KLHL29: variants seen among roughly 807,000 people sequenced by gnomAD.
KLHL29 encodes the protein kelch like family member 29, also known as kelch-like protein 29.
In KLHL29, 21 loss-of-function variants were observed where a neutral mutation model predicts 80.4. That is an observed-to-expected ratio of 0.26 (90% CI 0.19 to 0.38). The LOEUF is 0.38. Ranked by LOEUF, KLHL29 falls within the 10% of genes least tolerant of loss-of-function variation. The probability of loss-of-function intolerance (pLI) is 1.00; values close to 1 mark genes in which losing one functional copy is unlikely to be tolerated. For synonymous variants in KLHL29, 511 were observed against 526.8 expected, an observed-to-expected ratio of 0.97 and a Z score of 0.41; for missense variants, 867 against 1,223.9, an observed-to-expected ratio of 0.71 and a Z score of 4.35.
intron 1 of KLHL29, among the ~76,000 whole-genome samples, chr2:23,438,520 AG>A (rs1355074474): frequency 4.1e-5 from 6 of 145,898 alleles, no homozygotes; most frequent in East Asian, 2.0e-4. Context: ...TTTAGCATGA[AG>A]GGTTGTTGAA....
chr2:23,649,668 A>G (rs1425529107), intron 5 of KLHL29, among the ~76,000 whole-genome samples: 1 of 152,246 alleles, frequency 6.6e-6, no homozygotes, highest in African/African-American at 2.4e-5. Context: ...CTTCAAGGTC[A>G]GAAGCCCTGC....
chr2:23,549,431 C>G (rs1055010501), intron 2 of KLHL29, among the ~76,000 whole-genome samples: 6 of 151,920 alleles, frequency 3.9e-5, no homozygotes, highest in Non-Finnish European at 7.4e-5. Context: ...CACACAACCT[C>G]GCAACAGGCT....
chr2:23,452,394 A>G lies in KLHL29; in HGVS notation c.-153-23166A>G, dbSNP rs537251360. Among the ~76,000 whole-genome samples, 17 of 152,096 alleles carry G rather than the reference A, an allele frequency of 1.1e-4. No individual in the cohort carries two copies. In the South Asian group the frequency reaches 2.7e-3, roughly 24 times the overall value. On this transcript the variant is annotated intron_variant, in intron 1 of 13. Transcript: ENST00000486442. Reference sequence around the variant, plus strand: ...AAGGGGATGGTGCCGAGCCATTCACAAGGGATCCTCCAGGGTCCAATGCCT... The same window carrying G: ...AAGGGGATGGTGCCGAGCCATTCACGAGGGATCCTCCAGGGTCCAATGCCT...
intron 3 of KLHL29, among the ~76,000 whole-genome samples, chr2:23,567,568 T>C (rs974766733): frequency 1.3e-5 from 2 of 152,206 alleles, no homozygotes; most frequent in Non-Finnish European, 2.9e-5. Flanking sequence ...ATCTTCCCCA[T>C]GCGCTCCAGC....
chr2:23,559,704 G>A (rs2103495224), intron 2 of KLHL29, among the ~76,000 whole-genome samples: 1 of 152,214 alleles, frequency 6.6e-6, no homozygotes, highest in African/African-American at 2.4e-5. Context: ...ACAGCTGGGG[G>A]AAGGTGTGCG....
chr2:23,533,639 T>G (rs559583561), intron 2 of KLHL29, among the ~76,000 whole-genome samples: 1 of 152,288 alleles, frequency 6.6e-6, no homozygotes, highest in African/African-American at 2.4e-5. Context: ...GTGCGGCGTT[T>G]GGGCTGGGTG....
intron 3 of KLHL29, among the ~76,000 whole-genome samples, chr2:23,584,647 AG>A (rs71400593): frequency 3.9e-5 from 6 of 152,184 alleles, no homozygotes; most frequent in Non-Finnish European, 5.9e-5. Flanking sequence ...GCTGGGGCGG[AG>A]GGGGGCGGTG....
intron 3 of KLHL29, among the ~76,000 whole-genome samples, chr2:23,564,062 G>A (rs1185922736): frequency 2.0e-5 from 3 of 152,262 alleles, no homozygotes; most frequent in Non-Finnish European, 2.9e-5. Flanking sequence ...AATGGCAGCC[G>A]CTGGAACCGA....
intron 1 of KLHL29, among the ~76,000 whole-genome samples, chr2:23,420,087 C>G (rs748217817): frequency 6.6e-6 from 1 of 152,160 alleles, no homozygotes; most frequent in South Asian, 2.1e-4. Flanking sequence ...CACGGGGGGT[C>G]CTACGTCAGC....
At chr2:23,526,729 C>T (rs1024196981) in intron 2 of KLHL29, among the ~76,000 whole-genome samples, 6 of 152,150 alleles carry the variant, frequency 3.9e-5, no homozygotes, top group Admixed American at 1.3e-4. Flanking sequence ...GGGTTGGCTC[C>T]GTGGCTCCCA....
intron 2 of KLHL29, among the ~76,000 whole-genome samples, chr2:23,502,327 G>T (rs113086073): frequency 6.6e-6 from 1 of 152,240 alleles, no homozygotes; most frequent in Non-Finnish European, 1.5e-5. Context: ...AATCAGCATC[G>T]AACATATTTC....
chr2:23,522,450 T>TC (rs1666134159), intron 2 of KLHL29, among the ~76,000 whole-genome samples: 2 of 152,096 alleles, frequency 1.3e-5, no homozygotes, highest in Non-Finnish European at 2.9e-5. Flanking sequence ...ACACCCAGCC[T>TC]CTAAGGCCCT....
At chr2:23,691,449 C>A in intron 6 of KLHL29, 1 of 589,806 alleles carries the variant, frequency 1.7e-6, no homozygotes, top group South Asian at 2.0e-5. Context: ...CATGGACATG[C>A]CGAGTAGTGA....
At chr2:23,570,933 A>C (rs1224227541) in intron 3 of KLHL29, among the ~76,000 whole-genome samples, 1 of 152,234 alleles carries the variant, frequency 6.6e-6, no homozygotes, top group Non-Finnish European at 1.5e-5. Flanking sequence ...CTGTGAGATC[A>C]GGGCCGCCCA....
At chr2:23,522,745 C>T (rs1666143765) in intron 2 of KLHL29, among the ~76,000 whole-genome samples, 1 of 152,090 alleles carries the variant, frequency 6.6e-6, no homozygotes, top group African/African-American at 2.4e-5. Flanking sequence ...TGAGTCTGGA[C>T]CCCCGAGCTT....
chr2:23,698,730 T>C (rs918565816), intron 11 of KLHL29, among the ~76,000 whole-genome samples: 2 of 152,198 alleles, frequency 1.3e-5, no homozygotes, highest in Non-Finnish European at 2.9e-5. Flanking sequence ...GGATAAATGA[T>C]AGCAGAACGC....
intron 3 of KLHL29, among the ~76,000 whole-genome samples, chr2:23,568,378 C>G (rs889998710): frequency 1.3e-5 from 2 of 152,204 alleles, no homozygotes; most frequent in Non-Finnish European, 2.9e-5. Flanking sequence ...CTCAGCTGAT[C>G]TCTGCTAGGC....
chr2:23,691,698 C>G lies in KLHL29; in HGVS notation c.1104C>G (p.Gly368=), dbSNP rs375475961. 5 of 1,551,604 alleles carry G rather than the reference C, an allele frequency of 3.2e-6. No homozygotes were observed. Among genetic ancestry groups the G allele is most frequent in the Non-Finnish European group, 4.4e-6 (5 of 1,146,998 alleles). Residue 368 remains glycine, a synonymous_variant, in exon 7 of 14, where the codon GGC becomes GGG. Coordinates refer to ENST00000486442, the MANE Select transcript of KLHL29 (RefSeq NM_052920.2). ...GGTCCGTGCAAGACAGCGGCCAGGG[C>G]GGCCGGGAGAAGCTGGAGCTCGTCC... ...IQRSVQDSGQ[G]GREKLELVLS...
At chr2:23,418,688 A>C (rs1662681441) in intron 1 of KLHL29, among the ~76,000 whole-genome samples, 1 of 152,200 alleles carries the variant, frequency 6.6e-6, no homozygotes, top group African/African-American at 2.4e-5. Flanking sequence ...CCGGGGGCCC[A>C]GGGATGCTGG....
Sources: allele counts gnomAD v4.1 joint callset (sites outside exome capture counted in the v4.1 genomes callset), GRCh38; gene constraint gnomAD v4.1.1; transcripts MANE v1.5; gene names NCBI Gene and HGNC (gene_info 2026-07-23, HGNC 2026-07-21).